MMP16: variants seen among roughly 807,000 people sequenced by gnomAD.
MMP16 encodes matrix metallopeptidase 16.
Under a neutral mutation model 67.8 loss-of-function variants are expected in MMP16, and 12 were observed. The ratio of observed to expected loss-of-function variants is 0.18; its 90% CI spans 0.11 to 0.29. MMP16 has a LOEUF of 0.29. MMP16 is among the 10% of genes least tolerant of loss of function. MMP16 has a pLI of 1.00. For synonymous variants in MMP16, 249 were observed against 255.9 expected, an observed-to-expected ratio of 0.97 and a Z score of 0.26; for missense variants, 475 against 765.7, an observed-to-expected ratio of 0.62 and a Z score of 4.48.
chr8:88,052,142 A>T (rs1808278972), intron 8 of MMP16, among the ~76,000 whole-genome samples: 2 of 152,192 alleles, frequency 1.3e-5, no homozygotes, highest in Non-Finnish European at 2.9e-5. Flanking sequence ...TAAACTTTCC[A>T]TTAAGATGCA....
At position 88,274,698 on chromosome 8, in the gene MMP16, T is replaced by C. The variant is rs569829397; in HGVS notation, c.132+52377A>G. Among the ~76,000 whole-genome samples, 12 of 152,142 alleles carry C rather than the reference T, an allele frequency of 7.9e-5. No individual in the cohort carries two copies. In the East Asian group the frequency reaches 2.3e-3, roughly 29 times the overall value. On this transcript the variant is annotated intron_variant, in intron 1 of 9. Transcript: ENST00000286614. ...AACTTCTGTGTCTGTGGAAGGTAAA[T>C]GAGTCTGATTAGGCTTGTTCATCTG...
At chr8:88,250,385 A>G (rs1019115479) in intron 1 of MMP16, among the ~76,000 whole-genome samples, 1 of 152,116 alleles carries the variant, frequency 6.6e-6, no homozygotes, top group African/African-American at 2.4e-5. Context: ...GTGTTATTAT[A>G]AGAAAATAAA....
intron 1 of MMP16, among the ~76,000 whole-genome samples, chr8:88,318,844 G>A (rs1811414898): frequency 6.6e-6 from 1 of 152,130 alleles, no homozygotes; most frequent in African/African-American, 2.4e-5. Context: ...AAGATTCAGT[G>A]TTCAAATGGT....
intron 6 of MMP16, among the ~76,000 whole-genome samples, chr8:88,075,136 C>A (rs1345609903): frequency 6.6e-6 from 1 of 152,070 alleles, no homozygotes; most frequent in Non-Finnish European, 1.5e-5. Flanking sequence ...ATCTCCACAC[C>A]TACCATGTTG....
intron 6 of MMP16, among the ~76,000 whole-genome samples, chr8:88,115,763 G>C (rs907578180): frequency 1.3e-5 from 2 of 151,738 alleles, no homozygotes; most frequent in Non-Finnish European, 2.9e-5. Context: ...TAATCTTTAA[G>C]ACTGGCTTAC....
intron 4 of MMP16, among the ~76,000 whole-genome samples, chr8:88,133,239 AAT>A (rs1255688026): frequency 6.6e-6 from 1 of 151,912 alleles, no homozygotes; most frequent in Non-Finnish European, 1.5e-5. Context: ...TAAGAAAAAA[AAT>A]ACAAGCTTCA....
chr8:88,193,018 T>C (rs1300589287), intron 2 of MMP16, among the ~76,000 whole-genome samples: 2 of 151,946 alleles, frequency 1.3e-5, no homozygotes, highest in Non-Finnish European at 2.9e-5. Flanking sequence ...AAACTAAAAA[T>C]AGAACTACCA....
intron 6 of MMP16, among the ~76,000 whole-genome samples, chr8:88,081,118 T>C (rs1225883363): frequency 6.6e-6 from 1 of 151,976 alleles, no homozygotes; most frequent in Non-Finnish European, 1.5e-5. Context: ...GCTATGTACA[T>C]CTGGGCAGAA....
intron 1 of MMP16, among the ~76,000 whole-genome samples, chr8:88,225,183 G>A (rs574858476): frequency 6.6e-6 from 1 of 152,114 alleles, no homozygotes; most frequent in South Asian, 2.1e-4. Flanking sequence ...ATAGCTGTGA[G>A]ATATTTTATG....
chr8:88,100,964 C>A (rs964698449), intron 6 of MMP16, among the ~76,000 whole-genome samples: 2 of 147,504 alleles, frequency 1.4e-5, no homozygotes, highest in African/African-American at 5.0e-5. Flanking sequence ...ACATCACACA[C>A]CGGGGCCTGT....
intron 6 of MMP16, among the ~76,000 whole-genome samples, chr8:88,100,126 C>T (rs1010249469): frequency 6.6e-6 from 1 of 151,890 alleles, no homozygotes; most frequent in African/African-American, 2.4e-5. Flanking sequence ...GCTTTTGTTG[C>T]CATTGCTTTT....
intron 1 of MMP16, among the ~76,000 whole-genome samples, chr8:88,258,365 T>C (rs144933932): frequency 1.3e-5 from 2 of 152,286 alleles, no homozygotes; most frequent in Admixed American, 6.5e-5. Flanking sequence ...TTTCCAAAAC[T>C]ATGAATAAGT....
chr8:88,051,707 CGAT>C (rs1233166128), intron 8 of MMP16, among the ~76,000 whole-genome samples: 1 of 151,942 alleles, frequency 6.6e-6, no homozygotes, highest in African/African-American at 2.4e-5. Context: ...CTGTTAGTGA[CGAT>C]AATAATTAAG....
rs142853001 is a variant in MMP16, at chr8:88,102,463, C to T, written c.1083+14044G>A. ...CTATTTCCTCCCTGGGCATGCCACCCTTCAGGAACCTCCATGTGTTCTGCT... is the reference window on the plus strand; with the variant it reads ...CTATTTCCTCCCTGGGCATGCCACCTTTCAGGAACCTCCATGTGTTCTGCT... On this transcript the variant is annotated intron_variant, in intron 6 of 9. Transcript: ENST00000286614. Among the ~76,000 whole-genome samples, 96 of 151,964 alleles carry T rather than the reference C, an allele frequency of 6.3e-4. 1 individual carries two copies. The highest frequency in any genetic ancestry group is 3.4e-3 in the Middle Eastern group (1 of 294).
intron 1 of MMP16, among the ~76,000 whole-genome samples, chr8:88,214,500 T>TC (rs893611937): frequency 6.6e-6 from 1 of 152,196 alleles, no homozygotes; most frequent in African/African-American, 2.4e-5. Flanking sequence ...TAGTTTTTTT[T>TC]CATTATATTT....
intron 1 of MMP16, among the ~76,000 whole-genome samples, chr8:88,253,397 T>A (rs574812535): frequency 6.6e-6 from 1 of 151,976 alleles, no homozygotes; most frequent in African/African-American, 2.4e-5. Context: ...TGAAAAACAG[T>A]CCTTCAGCCA....
At chr8:88,237,205 TAAAAGGG>T (rs1324391629) in intron 1 of MMP16, among the ~76,000 whole-genome samples, 1 of 152,142 alleles carries the variant, frequency 6.6e-6, no homozygotes, top group Non-Finnish European at 1.5e-5. Context: ...GTATTAAAGG[TAAAAGGG>T]ATCTGAAATT....
intron 1 of MMP16, among the ~76,000 whole-genome samples, chr8:88,270,792 GAT>G (rs1481231436): frequency 1.3e-5 from 2 of 152,100 alleles, no homozygotes; most frequent in Non-Finnish European, 2.9e-5. Flanking sequence ...TTCTAGTCCT[GAT>G]TTCTCTTTTA....
intron 1 of MMP16, among the ~76,000 whole-genome samples, chr8:88,239,701 A>T (rs57837867): frequency 0.043 from 6,618 of 152,250 alleles, 173 homozygotes; most frequent in Non-Finnish European, 0.054. Context: ...GAGGAGGATA[A>T]ATCAGATAAT....
Sources: gnomAD v4.1 joint callset for allele counts (sites outside exome capture counted in the v4.1 genomes callset) on GRCh38, gnomAD v4.1.1 for gene constraint, MANE v1.5 for transcripts, NCBI Gene and HGNC (gene_info 2026-07-23, HGNC 2026-07-21) for gene names.